EPB41L2: variants seen among roughly 807,000 people sequenced by gnomAD.
EPB41L2 encodes band 4.1-like protein 2.
A neutral mutation model predicts 113.0 loss-of-function variants in EPB41L2; 43 were observed. The observed-to-expected ratio is 0.38, with a 90% CI of 0.30 to 0.49. The LOEUF is 0.49. EPB41L2 is among the 20% of genes least tolerant of loss of function. The pLI is 0.95. For synonymous variants in EPB41L2, 442 were observed against 436.7 expected, an observed-to-expected ratio of 1.01 and a Z score of -0.15; for missense variants, 1,147 against 1,223.4, an observed-to-expected ratio of 0.94 and a Z score of 0.93.
intron 4 of EPB41L2, among the ~76,000 whole-genome samples, chr6:130,916,286 T>C (rs1176814674): frequency 6.6e-6 from 1 of 152,234 alleles, no homozygotes; most frequent in Non-Finnish European, 1.5e-5. Flanking sequence ...AGAATCTCCT[T>C]AATCTTACTC....
At chr6:130,854,276 C>T (rs6910788) in intron 19 of EPB41L2, among the ~76,000 whole-genome samples, 2,468 of 144,972 alleles carry the variant, frequency 0.017, 54 homozygotes, top group African/African-American at 0.046. Flanking sequence ...TTGTCTATCA[C>T]GGAATCCTCA....
intron 8 of EPB41L2, among the ~76,000 whole-genome samples, chr6:130,898,208 A>C (rs751786249): frequency 1.1e-4 from 17 of 152,102 alleles, no homozygotes; most frequent in Non-Finnish European, 2.1e-4. Context: ...TCTATGATGA[A>C]CATGTATTAG....
chr6:130,964,836 G>C (rs551538137), intron 1 of EPB41L2, among the ~76,000 whole-genome samples: 42 of 152,274 alleles, frequency 2.8e-4, no homozygotes, highest in South Asian at 2.5e-3. Flanking sequence ...AAGGTAAAAA[G>C]AGGATAGATG....
At position 130,840,352 on chromosome 6, in the gene EPB41L2, AAAAG is replaced by A. The variant is rs1775087426; in HGVS notation, c.*248_*251del. The A allele has an allele frequency of 6.6e-6, 1 of 152,400 alleles. No individual in the cohort carries two copies. The highest frequency in any genetic ancestry group is 1.5e-5 in the Non-Finnish European group (1 of 68,030). The allele number at this position is 152,400 out of a possible 1,614,324, so 9.4% of individuals were successfully genotyped here. A position where few individuals can be genotyped will look rare whatever the true frequency, so the allele number is the denominator to read the frequency against. On this transcript the variant is annotated 3_prime_UTR_variant, in exon 20 of 20. Transcript: ENST00000337057. Reference sequence around the variant, plus strand: ...CAAAACCCCTTAATTAACAACAACAAAAAGAAAGAACTGAGAATATTTAGAAGTG... The same window carrying A: ...CAAAACCCCTTAATTAACAACAACAAAAAGAACTGAGAATATTTAGAAGTG...
At chr6:130,952,804 C>T (rs1815680003) in intron 3 of EPB41L2, among the ~76,000 whole-genome samples, 1 of 140,968 alleles carries the variant, frequency 7.1e-6, no homozygotes, top group East Asian at 2.4e-4. Context: ...AGCAAGACTC[C>T]ATCTCAAAAA....
At chr6:130,860,736 G>T (rs934339494) in intron 18 of EPB41L2, among the ~76,000 whole-genome samples, 1 of 151,270 alleles carries the variant, frequency 6.6e-6, no homozygotes, top group Non-Finnish European at 1.5e-5. Context: ...GGGTTTCATC[G>T]TGTTAGCCAG....
intron 1 of EPB41L2, among the ~76,000 whole-genome samples, chr6:131,060,427 C>A (rs1408933740): frequency 6.6e-6 from 1 of 152,178 alleles, no homozygotes; most frequent in Non-Finnish European, 1.5e-5. Flanking sequence ...GTCATCTTTG[C>A]AAGTATTTTT....
chr6:130,875,258 A>T (rs1582957307), intron 14 of EPB41L2, among the ~76,000 whole-genome samples: 1 of 152,170 alleles, frequency 6.6e-6, no homozygotes, highest in African/African-American at 2.4e-5. Context: ...CTCTGTTCTC[A>T]TTCACAGCCC....
intron 18 of EPB41L2, among the ~76,000 whole-genome samples, chr6:130,860,300 A>G (rs1781612306): frequency 6.6e-6 from 1 of 152,240 alleles, no homozygotes; most frequent in Non-Finnish European, 1.5e-5. Context: ...GAAAATGTAG[A>G]TGATGCCCAA....
At chr6:130,997,070 C>T (rs1181369019) in intron 1 of EPB41L2, among the ~76,000 whole-genome samples, 1 of 152,122 alleles carries the variant, frequency 6.6e-6, no homozygotes, top group Non-Finnish European at 1.5e-5. Flanking sequence ...CATACTATTC[C>T]TCTTTGAGCT....
chr6:130,892,403 C>CTTTTTTTTTTTTTTTTTTTTTTTTGTT (rs60350565), intron 10 of EPB41L2, among the ~76,000 whole-genome samples: 1 of 92,640 alleles, frequency 1.1e-5, no homozygotes. Context: ...CAGATTATTG[C>CTTTTTTTTTTTTTTTTTTTTTTTTGTT]TTTTTTTTTT....
At chr6:131,014,056 GGT>G (rs1413555023) in intron 1 of EPB41L2, 1 of 102,792 alleles carries the variant, frequency 9.7e-6, no homozygotes, top group Admixed American at 1.0e-4. Flanking sequence ...AGTTAAAATA[GGT>G]GTGATTAAAA....
At chr6:130,889,659 A>G (rs915340812) in intron 11 of EPB41L2, among the ~76,000 whole-genome samples, 1 of 152,222 alleles carries the variant, frequency 6.6e-6, no homozygotes, top group Non-Finnish European at 1.5e-5. Flanking sequence ...ATTAAGGTTC[A>G]TATGCTACCA....
chr6:131,038,023 A>G (rs1337106811), intron 1 of EPB41L2, among the ~76,000 whole-genome samples: 3 of 152,240 alleles, frequency 2.0e-5, no homozygotes. Flanking sequence ...TATACATACA[A>G]AAATACACAT....
At position 130,890,403 on chromosome 6, in the gene EPB41L2, A is replaced by G. The variant is rs77927991; in HGVS notation, c.1551T>C (p.Tyr517=). ...KFLTLGSKFR[Y]SGRTQAQTRQ... ...GGGTCTGTGCTTGGGTGCGGCCACT[A>G]TAGCGAAATTTGGACCCCAAGGTCA... is the stretch of plus-strand genomic sequence containing the variant. The change falls in exon 11 of 20, where the codon TAT becomes TAC. Residue 517 remains tyrosine (Y), a synonymous_variant. Transcript: ENST00000337057. 7.4e-6 allele frequency: 12 copies of G among 1,613,144 alleles called. No individual in the cohort carries two copies. The East Asian group carries it at 2.7e-4, about 36-fold the overall frequency.
At chr6:131,055,276 A>G (rs777070345) in intron 1 of EPB41L2, among the ~76,000 whole-genome samples, 26 of 152,204 alleles carry the variant, frequency 1.7e-4, no homozygotes, top group Non-Finnish European at 3.2e-4. Context: ...GTGCAAAACC[A>G]CAGGAAAGGC....
intron 3 of EPB41L2, among the ~76,000 whole-genome samples, chr6:130,952,419 T>A (rs1815495886): frequency 6.6e-6 from 1 of 151,528 alleles, no homozygotes; most frequent in Admixed American, 6.6e-5. Context: ...ACTAGTTTAG[T>A]CAAAGAAATA....
chr6:131,021,562 GA>G (rs1480253565), intron 1 of EPB41L2, among the ~76,000 whole-genome samples: 1 of 152,108 alleles, frequency 6.6e-6, no homozygotes, highest in Non-Finnish European at 1.5e-5. Context: ...TCAGGAGCCT[GA>G]GGCAGGAGAA....
chr6:130,952,967 A>G (rs974965001), intron 3 of EPB41L2, among the ~76,000 whole-genome samples: 4 of 150,932 alleles, frequency 2.7e-5, no homozygotes, highest in Admixed American at 6.6e-5. Flanking sequence ...GATTTAAACC[A>G]TAAAGTACGT....
Sources: allele counts gnomAD v4.1 joint callset (sites outside exome capture counted in the v4.1 genomes callset), GRCh38; gene constraint gnomAD v4.1.1; transcripts MANE v1.5; gene names NCBI Gene and HGNC (gene_info 2026-07-23, HGNC 2026-07-21).